Variants in GRIK2 observed in about 807,000 individuals in gnomAD.
GRIK2 encodes glutamate receptor ionotropic, kainate 2.
Under a neutral mutation model 100.3 loss-of-function variants are expected in GRIK2, and 32 were observed. The ratio of observed to expected loss-of-function variants is 0.32; its 90% CI spans 0.24 to 0.43. The LOEUF is 0.43. Ranked by LOEUF, GRIK2 falls within the 20% of genes least tolerant of loss-of-function variation. The probability of loss-of-function intolerance (pLI) is 1.00; values close to 1 mark genes in which losing one functional copy is unlikely to be tolerated. For synonymous variants in GRIK2, 417 were observed against 389.4 expected (o/e 1.07, Z -0.83); for missense variants, 843 against 1,114.9 (o/e 0.76, Z 3.47).
chr6:102,049,708 T>C (rs1771074016), intron 15 of GRIK2, among the ~76,000 whole-genome samples: 3 of 152,264 alleles, frequency 2.0e-5, no homozygotes, highest in Middle Eastern at 3.4e-3. Flanking sequence ...GTTTGGGAAA[T>C]ACTGTTGTAA....
At chr6:101,700,098 C>T (rs928638025) in intron 7 of GRIK2, among the ~76,000 whole-genome samples, 6 of 151,904 alleles carry the variant, frequency 3.9e-5, no homozygotes, top group Admixed American at 2.6e-4. Flanking sequence ...TGCAGTGAGC[C>T]GTGATCATGC....
intron 7 of GRIK2, among the ~76,000 whole-genome samples, chr6:101,749,444 G>C (rs17062448): frequency 0.096 from 14,649 of 152,062 alleles, 817 homozygotes; most frequent in South Asian, 0.2. Context: ...ATTTAAAGCT[G>C]AAAATCTGAG....
At chr6:101,809,085 A>T (rs1468775595) in intron 9 of GRIK2, among the ~76,000 whole-genome samples, 1 of 151,848 alleles carries the variant, frequency 6.6e-6, no homozygotes, top group Non-Finnish European at 1.5e-5. Context: ...TAAATTTGTC[A>T]TATTTTACTT....
chr6:102,048,144 A>C (rs1562138005), intron 15 of GRIK2, among the ~76,000 whole-genome samples: 1 of 151,278 alleles, frequency 6.6e-6, no homozygotes, highest in Admixed American at 6.6e-5. Context: ...CGTTGAGAAA[A>C]CTGGATATCC....
chr6:101,830,138 C>T (rs1782585165), intron 10 of GRIK2, among the ~76,000 whole-genome samples: 1 of 151,998 alleles, frequency 6.6e-6, no homozygotes, highest in Non-Finnish European at 1.5e-5. Context: ...CTACAACCAA[C>T]TGATCTTTGA....
intron 12 of GRIK2, among the ~76,000 whole-genome samples, chr6:101,894,825 G>A (rs527942678): frequency 2.0e-5 from 3 of 151,444 alleles, no homozygotes; most frequent in African/African-American, 4.8e-5. Flanking sequence ...AAATTGAGCT[G>A]TTCTGAAATT....
intron 7 of GRIK2, among the ~76,000 whole-genome samples, chr6:101,731,975 A>G (rs1186478481): frequency 6.6e-6 from 1 of 152,064 alleles, no homozygotes; most frequent in Non-Finnish European, 1.5e-5. Flanking sequence ...GAGAACCATA[A>G]TAACACTCAT....
At chr6:101,592,942 T>C (rs1045142563) in intron 2 of GRIK2, among the ~76,000 whole-genome samples, 8 of 151,838 alleles carry the variant, frequency 5.3e-5, no homozygotes, top group Non-Finnish European at 7.4e-5. Context: ...GCCACATTAA[T>C]TATTTGCTGG....
chr6:102,010,947 C>T (rs1217649224), intron 14 of GRIK2, among the ~76,000 whole-genome samples: 1 of 152,064 alleles, frequency 6.6e-6, no homozygotes, highest in Non-Finnish European at 1.5e-5. Context: ...TGAAAAACAT[C>T]TTGGTGGCTT....
intron 12 of GRIK2, among the ~76,000 whole-genome samples, chr6:101,899,575 A>G (rs1787705907): frequency 6.6e-6 from 1 of 152,092 alleles, no homozygotes; most frequent in Admixed American, 6.6e-5. Context: ...GTTTCCTGCT[A>G]TTCTTTATAA....
intron 14 of GRIK2, among the ~76,000 whole-genome samples, chr6:102,001,301 C>A (rs777182140): frequency 6.6e-6 from 1 of 151,438 alleles, no homozygotes; most frequent in African/African-American, 2.4e-5. Context: ...AACCTGTCAT[C>A]TAGGTTTTAA....
chr6:101,484,322 T>C (rs1374965434), intron 2 of GRIK2, among the ~76,000 whole-genome samples: 1 of 152,190 alleles, frequency 6.6e-6, no homozygotes, highest in Non-Finnish European at 1.5e-5. Context: ...TGTTTAGTTT[T>C]TCAATGAAAG....
intron 2 of GRIK2, among the ~76,000 whole-genome samples, chr6:101,606,876 T>C (rs990569107): frequency 3.3e-5 from 5 of 151,994 alleles, no homozygotes; most frequent in Non-Finnish European, 7.4e-5. Context: ...CTTTATTCCA[T>C]GAATTTGTCC....
At chr6:101,943,046 G>T (rs1791054687) in intron 14 of GRIK2, among the ~76,000 whole-genome samples, 1 of 152,190 alleles carries the variant, frequency 6.6e-6, no homozygotes, top group Admixed American at 6.5e-5. Flanking sequence ...CATGGGCCAG[G>T]TCCAGAGCTC....
At chr6:102,016,014 A>G (rs1362664975) in intron 14 of GRIK2, among the ~76,000 whole-genome samples, 1 of 152,174 alleles carries the variant, frequency 6.6e-6, no homozygotes, top group African/African-American at 2.4e-5. Context: ...AAGGGCAGCA[A>G]CTTTAACTAC....
intron 2 of GRIK2, among the ~76,000 whole-genome samples, chr6:101,576,609 C>T (rs1033215601): frequency 3.9e-5 from 6 of 151,998 alleles, no homozygotes; most frequent in African/African-American, 1.2e-4. Context: ...ATATCTGTCA[C>T]ATTATGCATA....
chr6:101,552,725 T>C (rs1031892226), intron 2 of GRIK2, among the ~76,000 whole-genome samples: 1 of 152,190 alleles, frequency 6.6e-6, no homozygotes, highest in African/African-American at 2.4e-5. Flanking sequence ...TCTGTGCACC[T>C]GAGAATTGGC....
chr6:101,586,684 T>C (rs112176711), intron 2 of GRIK2, among the ~76,000 whole-genome samples: 23,727 of 151,144 alleles, frequency 0.16, 2,265 homozygotes, highest in Middle Eastern at 0.26. Flanking sequence ...GCCTGGCCAA[T>C]ATGGCAAAAC....
chr6:101,481,650 T>A (rs1772534831), intron 2 of GRIK2, among the ~76,000 whole-genome samples: 1 of 152,194 alleles, frequency 6.6e-6, no homozygotes, highest in African/African-American at 2.4e-5. Context: ...TAAATACAAT[T>A]TAATTTTTTG....
Sources: gnomAD v4.1 joint callset for allele counts (sites outside exome capture counted in the v4.1 genomes callset) on GRCh38, gnomAD v4.1.1 for gene constraint, MANE v1.5 for transcripts, NCBI Gene and HGNC (gene_info 2026-07-23, HGNC 2026-07-21) for gene names.